CCDC40: variants seen among roughly 807,000 people sequenced by gnomAD.
CCDC40 encodes the protein coiled-coil domain-containing protein 40.
A neutral mutation model predicts 124.5 loss-of-function variants in CCDC40; 104 were observed. The ratio of observed to expected loss-of-function variants is 0.84; its 90% CI spans 0.71 to 0.98. The LOEUF (loss-of-function observed/expected upper bound fraction) is 0.98. Ranked by LOEUF, CCDC40 falls within the 50% of genes least tolerant of loss-of-function variation. The pLI, the probability that CCDC40 is intolerant of heterozygous loss-of-function variation, is 0.00. For missense variants in CCDC40, 1,463 were observed against 1,503.9 expected (o/e 0.97, Z 0.45); for synonymous variants, 580 against 602.9 (o/e 0.96, Z 0.56).
intron 17 of CCDC40, among the ~76,000 whole-genome samples, chr17:80,091,893 T>C (rs1165582232): frequency 6.6e-6 from 1 of 152,174 alleles, no homozygotes; most frequent in African/African-American, 2.4e-5. Context: ...GGCAGTCATA[T>C]CTGTACCTTC....
chr17:80,083,475 A>T (rs1028765500), intron 12 of CCDC40, among the ~76,000 whole-genome samples: 1 of 152,126 alleles, frequency 6.6e-6, no homozygotes, highest in Non-Finnish European at 1.5e-5. Context: ...GGTAGGCAGG[A>T]GCCACAGTCG....
chr17:80,051,275 C>G (rs2037580790), intron 7 of CCDC40: 2 of 975,254 alleles, frequency 2.1e-6, no homozygotes, highest in South Asian at 9.5e-5. Flanking sequence ...ACATTTTAAA[C>G]CCTGAGAAAA....
intron 18 of CCDC40, among the ~76,000 whole-genome samples, chr17:80,096,731 T>G (rs748519854): frequency 2.0e-5 from 3 of 152,316 alleles, no homozygotes; most frequent in African/African-American, 4.8e-5. Flanking sequence ...AGAGTCACTG[T>G]GTCTCCTGCA....
In CCDC40 at chr17:80,087,544, G is replaced by C; in HGVS notation, c.2450-63G>C. 7.2e-7 allele frequency: 1 copy of C among 1,383,876 alleles called. No homozygotes were observed. Among genetic ancestry groups the C allele is most frequent in the Non-Finnish European group, 1.0e-6 (1 of 976,058 alleles). The allele number at this position is 1,383,876 out of a possible 1,614,324, so 85.7% of individuals were successfully genotyped here. ...CCTGGCTCACCTCTCGGACACTGCT[G>C]CCTGCGGGCGAGGACCCGTACCCTC... is the stretch of plus-strand genomic sequence containing the variant. On this transcript the variant is annotated intron_variant, in intron 14 of 19. Coordinates refer to ENST00000397545, the MANE Select transcript of CCDC40 (RefSeq NM_017950.4). This position sits in a 1 kb window ranked among gnomAD's most constrained non-coding sequence, Gnocchi z 4.5.
chr17:80,097,940 GAAAAGAAAAGAAAAA>G, intron 19 of CCDC40: 2 of 95,902 alleles, frequency 2.1e-5, no homozygotes, highest in Non-Finnish European at 4.3e-5. Flanking sequence ...GAAAAGAAAA[GAAAAGAAAAGAAAAA>G]GGGAAATGGT....
rs749935012 is a variant in CCDC40, at chr17:80,086,612, C to G, written c.2449+396C>G. ...ATCACCTCCAGTTGGGCTTAGAAAA[C>G]CATTCCACCGGGGCTCCCCAACCCT... On this transcript the variant is annotated intron_variant, in intron 14 of 19. Transcript: ENST00000397545. The surrounding 1 kb of genome is among the most constrained non-coding windows in gnomAD (Gnocchi z 5.5). 7.2e-6 allele frequency: 2 copies of G among 277,602 alleles called. No individual in the cohort carries two copies. The highest frequency in any genetic ancestry group is 1.4e-5 in the Non-Finnish European group (2 of 142,392). The allele number at this position is 277,602 out of a possible 1,614,324, so 17.2% of individuals were successfully genotyped here. A position where few individuals can be genotyped will look rare whatever the true frequency, so the allele number is the denominator to read the frequency against.
intron 18 of CCDC40, among the ~76,000 whole-genome samples, chr17:80,095,874 G>A (rs2038802001): frequency 6.6e-6 from 1 of 152,240 alleles, no homozygotes; most frequent in African/African-American, 2.4e-5. Flanking sequence ...CTCATGCTGG[G>A]GAGCCCGAGT....
intron 7 of CCDC40, among the ~76,000 whole-genome samples, chr17:80,052,875 A>G (rs1386474608): frequency 6.6e-6 from 1 of 152,228 alleles, no homozygotes; most frequent in Non-Finnish European, 1.5e-5. Context: ...AAAGAGAACA[A>G]AGTGTTAGGA....
chr17:80,096,914 C>T (rs566037755), intron 18 of CCDC40, among the ~76,000 whole-genome samples: 2 of 152,386 alleles, frequency 1.3e-5, no homozygotes, highest in East Asian at 3.9e-4. Context: ...GCCTGCCTCT[C>T]GGCCCTTACA....
chr17:80,050,492 G>A (rs2037557099), intron 7 of CCDC40, among the ~76,000 whole-genome samples: 1 of 152,218 alleles, frequency 6.6e-6, no homozygotes, highest in Non-Finnish European at 1.5e-5. Flanking sequence ...CACCCAGGCT[G>A]GAGTGCAATG....
chr17:80,096,349 T>C (rs4889959), intron 18 of CCDC40, among the ~76,000 whole-genome samples: 109,298 of 151,932 alleles, frequency 0.72, 39,625 homozygotes, highest in Middle Eastern at 0.86. Flanking sequence ...GCTGAAGTCA[T>C]CCCTGTAGGG....
Position 80,068,251 on chromosome 17 carries a change from C to T in CCDC40, c.1562+2645C>T, listed in dbSNP as rs192595361. On this transcript the variant is annotated intron_variant, in intron 10 of 19. Coordinates refer to ENST00000397545, the MANE Select transcript of CCDC40 (RefSeq NM_017950.4). ...GTTTCACCATGTGGGCCAGGCTGAT[C>T]TTGAACCCCTACCTCAGGTGATCCA... 3.9e-3 allele frequency among the ~76,000 whole-genome samples: 595 copies of T among 152,256 alleles called. 4 individuals carry two copies. The highest frequency in any genetic ancestry group is 0.014 in the African/African-American group (579 of 41,560).
intron 10 of CCDC40, among the ~76,000 whole-genome samples, chr17:80,081,250 T>C (rs1213028959): frequency 1.3e-5 from 2 of 152,030 alleles, no homozygotes; most frequent in Admixed American, 1.3e-4. Context: ...CCGGGCATGG[T>C]GGCGCACACC....
At chr17:80,054,934 C>A (rs2037698129) in intron 7 of CCDC40, among the ~76,000 whole-genome samples, 1 of 151,464 alleles carries the variant, frequency 6.6e-6, no homozygotes, top group South Asian at 2.1e-4. Flanking sequence ...GAGACTGTGC[C>A]ACTGCACTCC....
Position 80,086,561 on chromosome 17 carries a change from A to G in CCDC40, c.2449+345A>G. 2.9e-6 allele frequency: 1 copy of G among 343,886 alleles called. No homozygotes were observed. The highest frequency in any genetic ancestry group is 2.4e-5 in the South Asian group (1 of 42,234). 21.3% of individuals were successfully genotyped at this position (343,886 alleles called of 1,614,324 possible). On this transcript the variant is annotated intron_variant, in intron 14 of 19. Transcript: ENST00000397545. This position sits in a 1 kb window ranked among gnomAD's most constrained non-coding sequence, Gnocchi z 5.5. The stretch of plus-strand genomic sequence containing the variant: ...GCACGGGAAAAGCCAGGGTCCTGCC[A>G]GGCAGGCTCCTGGTGCTGTCCCCAC...
chr17:80,053,376 G>C (rs1304258599), intron 7 of CCDC40, among the ~76,000 whole-genome samples: 1 of 152,200 alleles, frequency 6.6e-6, no homozygotes, highest in Non-Finnish European at 1.5e-5. Context: ...GGAGGAACCA[G>C]GGAGAGCTCA....
rs1004245831 is a variant in CCDC40 at position 80,047,582 on chromosome 17, C to T, written c.676+180C>T. ...ATTTATTGGGCATTTACTGTTTTAT[C>T]TCATTTAATCCTAACAGTGACCGAT... is the stretch of plus-strand genomic sequence containing the variant. On this transcript the variant is annotated intron_variant, in intron 4 of 19. Transcript: ENST00000397545. 2.6e-5 allele frequency: 17 copies of T among 659,196 alleles called. No individual in the cohort carries two copies. In the Middle Eastern group the frequency reaches 2.0e-3, roughly 79 times the overall value. The allele number at this position is 659,196 out of a possible 1,614,324, so 40.8% of individuals were successfully genotyped here.
At chr17:80,095,511 C>A in intron 18 of CCDC40, 60 bp downstream of exon 18, 1 of 1,545,056 alleles carries the variant, frequency 6.5e-7, no homozygotes, top group Non-Finnish European at 8.9e-7. Flanking sequence ...TCAAGGAACA[C>A]TCCAGGAAGG....
At chr17:80,039,472 C>T (rs1013896300) in intron 2 of CCDC40, among the ~76,000 whole-genome samples, 1 of 150,836 alleles carries the variant, frequency 6.6e-6, no homozygotes, top group Non-Finnish European at 1.5e-5. Context: ...AGTTCAGTGG[C>T]ACGATCTCAG....
Sources: allele counts gnomAD v4.1 joint callset (sites outside exome capture counted in the v4.1 genomes callset), GRCh38; gene constraint gnomAD v4.1.1; non-coding constraint Gnocchi (gnomAD v3.1); transcripts MANE v1.5; gene names NCBI Gene and HGNC (gene_info 2026-07-23, HGNC 2026-07-21).